The following FAM47E variants were observed in gnomAD, a reference collection of about 807,000 sequenced individuals.
The protein encoded by FAM47E is protein FAM47E.
In FAM47E, 32 loss-of-function variants were observed where a neutral mutation model predicts 41.6. The observed-to-expected ratio is 0.77, with a 90% confidence interval of 0.58 to 1.03. The LOEUF is 1.03. Ranked by LOEUF, FAM47E falls within the 50% of genes least tolerant of loss-of-function variation. The probability of loss-of-function intolerance (pLI) is 0.00; values close to 1 mark genes in which losing one functional copy is unlikely to be tolerated. For synonymous variants in FAM47E, 184 were observed against 188.7 expected (o/e 0.98, Z 0.20); for missense variants, 424 against 485.4 (o/e 0.87, Z 1.19).
chr4:76,243,297 A>C (rs933626390), intron 2 of FAM47E, among the ~76,000 whole-genome samples: 2 of 152,198 alleles, frequency 1.3e-5, no homozygotes, highest in Non-Finnish European at 2.9e-5. Flanking sequence ...ATCTCTGCTC[A>C]TGTCTGATAT....
chr4:76,251,273 C>T (rs756812727), upstream of FAM47E, among the ~76,000 whole-genome samples: 1 of 152,110 alleles, frequency 6.6e-6, no homozygotes, highest in Admixed American at 6.5e-5. Flanking sequence ...TTTACAGAGG[C>T]TGTGAGACCA....
chr4:76,222,948 G>A (rs141300358), intron 2 of FAM47E, among the ~76,000 whole-genome samples: 6 of 152,288 alleles, frequency 3.9e-5, no homozygotes, highest in African/African-American at 1.4e-4. Flanking sequence ...GTGAAGCCTC[G>A]TGCATGGGAA....
At chr4:76,225,938 C>T (rs1382383570) in intron 2 of FAM47E, among the ~76,000 whole-genome samples, 1 of 152,146 alleles carries the variant, frequency 6.6e-6, no homozygotes, top group African/African-American at 2.4e-5. Flanking sequence ...CATTCTCTAT[C>T]ATTGGAATAG....
At chr4:76,223,845 C>T (rs1733349955) in intron 2 of FAM47E, among the ~76,000 whole-genome samples, 1 of 149,946 alleles carries the variant, frequency 6.7e-6, no homozygotes, top group Non-Finnish European at 1.5e-5. Flanking sequence ...CTGCTTTCCA[C>T]CCTCAGAGTG....
chr4:76,252,856 A>AGGTTT (rs1734030103), intron 1 of FAM47E, among the ~76,000 whole-genome samples: 1 of 152,204 alleles, frequency 6.6e-6, no homozygotes, highest in Non-Finnish European at 1.5e-5. Flanking sequence ...TTGCCAAACC[A>AGGTTT]GGAAACGTCA....
intron 2 of FAM47E, among the ~76,000 whole-genome samples, chr4:76,235,628 G>A (rs1733573461): frequency 6.6e-6 from 1 of 152,186 alleles, no homozygotes; most frequent in African/African-American, 2.4e-5. Flanking sequence ...CCAGTTAAGG[G>A]CTCAAGAGAG....
At chr4:76,251,959 C>A (rs889390163) in intron 1 of FAM47E, 139 bp downstream of exon 1, 3 of 1,152,716 alleles carry the variant, frequency 2.6e-6, no homozygotes, top group Non-Finnish European at 2.3e-6. Flanking sequence ...GTACGTACAA[C>A]ATAATACGCT....
chr4:76,276,582 C>T (rs1010525145), intron 5 of FAM47E, among the ~76,000 whole-genome samples: 3 of 131,454 alleles, frequency 2.3e-5, no homozygotes, highest in Non-Finnish European at 3.6e-5. Flanking sequence ...AGGCTGATCT[C>T]GAATTCCCAA....
chr4:76,272,487 A>T (rs1734931792), intron 5 of FAM47E, among the ~76,000 whole-genome samples: 1 of 152,238 alleles, frequency 6.6e-6, no homozygotes, highest in South Asian at 2.1e-4. Context: ...TTGATATTAT[A>T]CTTCAATATT....
intron 2 of FAM47E, among the ~76,000 whole-genome samples, chr4:76,262,724 T>C (rs112947906): frequency 0.015 from 2,248 of 152,266 alleles, 49 homozygotes; most frequent in African/African-American, 0.051. Flanking sequence ...TCTTGGTTCT[T>C]TGGGTAACTG....
intron 2 of FAM47E, among the ~76,000 whole-genome samples, chr4:76,261,054 A>G (rs1316017986): frequency 2.0e-5 from 3 of 152,260 alleles, no homozygotes; most frequent in Middle Eastern, 6.8e-3. Flanking sequence ...CAGCCAACAA[A>G]CATATGAAGA....
intron 1 of FAM47E, among the ~76,000 whole-genome samples, chr4:76,254,616 G>A (rs1037789514): frequency 6.6e-6 from 1 of 152,152 alleles, no homozygotes; most frequent in Admixed American, 6.5e-5. Context: ...CACTAGAGAA[G>A]AATTGGGGCC....
At chr4:76,274,460 A>G (rs1485836220) in intron 5 of FAM47E, among the ~76,000 whole-genome samples, 3 of 152,192 alleles carry the variant, frequency 2.0e-5, no homozygotes, top group Non-Finnish European at 4.4e-5. Flanking sequence ...ATGTACCTGT[A>G]GTCCCAGCTA....
At chr4:76,228,522 T>A (rs973619868) in intron 2 of FAM47E, among the ~76,000 whole-genome samples, 2 of 152,150 alleles carry the variant, frequency 1.3e-5, no homozygotes, top group Admixed American at 6.6e-5. Flanking sequence ...AGAATTCCTT[T>A]TAGCATTTCT....
intron 2 of FAM47E, among the ~76,000 whole-genome samples, chr4:76,243,663 C>T (rs990296617): frequency 6.6e-5 from 10 of 152,190 alleles, no homozygotes; most frequent in African/African-American, 1.7e-4. Flanking sequence ...CCCTATTCTC[C>T]ACTTCTGTTC....
chr4:76,254,581 C>A (rs537547615), intron 1 of FAM47E, among the ~76,000 whole-genome samples: 1 of 152,224 alleles, frequency 6.6e-6, no homozygotes, highest in African/African-American at 2.4e-5. Flanking sequence ...CACATCTATG[C>A]AACAAGTAAG....
chr4:76,246,777 A>G (rs1733836278), upstream of FAM47E, among the ~76,000 whole-genome samples: 1 of 152,162 alleles, frequency 6.6e-6, no homozygotes, highest in Admixed American at 6.5e-5. Flanking sequence ...TAATAGGAAC[A>G]CAGTGTATAC....
At chr4:76,260,572 A>C (rs537182146) in intron 2 of FAM47E, among the ~76,000 whole-genome samples, 1 of 152,220 alleles carries the variant, frequency 6.6e-6, no homozygotes, top group Non-Finnish European at 1.5e-5. Context: ...CTCAAGGTGG[A>C]CTAAAGACTT....
At chr4:76,240,972 C>G (rs1317362989) in intron 2 of FAM47E, among the ~76,000 whole-genome samples, 1 of 151,930 alleles carries the variant, frequency 6.6e-6, no homozygotes, top group African/African-American at 2.4e-5. Flanking sequence ...CTTTGTATCT[C>G]TTGTGTTTTT....
Sources: gnomAD v4.1 joint callset for allele counts (sites outside exome capture counted in the v4.1 genomes callset) on GRCh38, gnomAD v4.1.1 for gene constraint, MANE v1.5 for transcripts, NCBI Gene and HGNC (gene_info 2026-07-23, HGNC 2026-07-21) for gene names.